Variants in IER5 observed in about 807,000 individuals in gnomAD.
IER5 encodes immediate early response gene 5 protein.
Under a neutral mutation model 8.2 loss-of-function variants are expected in IER5, and 3 were observed. The ratio of observed to expected loss-of-function variants is 0.36; its 90% CI spans 0.17 to 0.94. The LOEUF is 0.94. IER5 is among the 40% of genes least tolerant of loss of function. The pLI is 0.43. For missense variants in IER5, 531 were observed against 494.3 expected (o/e 1.07, Z -0.70); for synonymous variants, 286 against 230.1 (o/e 1.24, Z -2.20).
chr1:181,091,577 C>T lies in IER5; in HGVS notation c.*1691C>T, dbSNP rs558256317. ...GACACTTAGGTGATGATAGCCAAAACATCCATCGATTTTACTAAAATCACT... is the reference window on the plus strand; with the variant it reads ...GACACTTAGGTGATGATAGCCAAAATATCCATCGATTTTACTAAAATCACT... On this transcript the variant is annotated 3_prime_UTR_variant, in exon 1 of 1. Coordinates refer to ENST00000367577, the MANE Select transcript of IER5 (RefSeq NM_016545.5). 1.3e-5 allele frequency: 2 copies of T among 152,360 alleles called. No homozygotes were observed. Among genetic ancestry groups the T allele is most frequent in the East Asian group, 1.9e-4 (1 of 5,192 alleles). The allele number at this position is 152,360 out of a possible 1,614,324, so 9.4% of individuals were successfully genotyped here.
chr1:181,089,056 T>G lies in IER5; in HGVS notation c.154T>G (p.Cys52Gly). The change falls in exon 1 of 1, where the codon TGC becomes GGC. Residue 52 changes from cysteine (C) to glycine (G), a missense_variant. Physicochemically the swap from Cys to Gly is radical, Grantham distance 159. Coordinates refer to ENST00000367577, the MANE Select transcript of IER5 (RefSeq NM_016545.5). Reference protein sequence around the residue: ...SARQVYLSDPCPGLYLAGPAG... With the variant: ...SARQVYLSDPGPGLYLAGPAG... ...CCGCCAAGTCTACCTGAGCGACCCGTGCCCCGGCCTCTACCTGGCCGGTCC... is the reference window on the plus strand; with the variant it reads ...CCGCCAAGTCTACCTGAGCGACCCGGGCCCCGGCCTCTACCTGGCCGGTCC... The G allele has an allele frequency of 2.5e-6, 4 of 1,603,582 alleles. No individual in the cohort carries two copies. The highest frequency in any genetic ancestry group is 3.4e-6 in the Non-Finnish European group (4 of 1,176,080).
Position 181,091,224 on chromosome 1 carries a change from A to G in IER5, c.*1338A>G, listed in dbSNP as rs191582300. 6.6e-6 allele frequency: 1 copy of G among 152,276 alleles called. No homozygotes were observed. The highest frequency in any genetic ancestry group is 1.5e-5 in the Non-Finnish European group (1 of 68,026). 9.4% of individuals were successfully genotyped at this position (152,276 alleles called of 1,614,324 possible). ...GCAAAACTTTGTTTCCTGTTAAGCT[A>G]TTAATACGGGTCATCTTTTAGCTTT... On this transcript the variant is annotated 3_prime_UTR_variant, in exon 1 of 1. Coordinates refer to ENST00000367577, the MANE Select transcript of IER5 (RefSeq NM_016545.5).
rs568417293 is a variant in IER5, at chr1:181,090,786, G to A, written c.*900G>A. ...TTTCTCCTTCGTTGTATTGATTTTT[G>A]TATAAAAATGTAACTTCTACGTGTC... On this transcript the variant is annotated 3_prime_UTR_variant, in exon 1 of 1. Transcript: ENST00000367577. 1.2e-5 allele frequency: 2 copies of A among 164,302 alleles called. No individual in the cohort carries two copies. Among genetic ancestry groups the A allele is most frequent in the African/African-American group, 4.8e-5 (2 of 41,412 alleles). 10.2% of individuals were successfully genotyped at this position (164,302 alleles called of 1,614,324 possible).
At position 181,088,741 on chromosome 1, in the gene IER5, G is replaced by C. The variant is rs1558133737; in HGVS notation, c.-162G>C. On this transcript the variant is annotated 5_prime_UTR_variant, in exon 1 of 1. Transcript: ENST00000367577. ...CGAAACGGGGAAGTTGTCTTGTTTGGAGAGGTTAGTAGAGCAGCGCGCGCG... is the reference window on the plus strand; with the variant it reads ...CGAAACGGGGAAGTTGTCTTGTTTGCAGAGGTTAGTAGAGCAGCGCGCGCG... 1 of 574,664 alleles carries C rather than the reference G, an allele frequency of 1.7e-6. No homozygotes were observed. The highest frequency in any genetic ancestry group is 1.9e-5 in the African/African-American group (1 of 51,340). The allele number at this position is 574,664 out of a possible 1,614,324, so 35.6% of individuals were successfully genotyped here.
rs1659466301 is a variant in IER5 at position 181,091,100 on chromosome 1, G to T, written c.*1214G>T. The T allele has an allele frequency of 1.3e-5, 2 of 152,086 alleles. No individual in the cohort carries two copies. The highest frequency in any genetic ancestry group is 4.8e-5 in the African/African-American group (2 of 41,388). The allele number at this position is 152,086 out of a possible 1,614,324, so 9.4% of individuals were successfully genotyped here. ...CTGCCACTACAACTGCCTTTTCTAA[G>T]GTCAGTTTAGACCAATTTGTCACCC... is the stretch of plus-strand genomic sequence containing the variant. On this transcript the variant is annotated 3_prime_UTR_variant, in exon 1 of 1. Transcript: ENST00000367577.
rs1450567941 is a variant in IER5, at chr1:181,092,442, G to A, written c.*2556G>A. 1.3e-5 allele frequency: 2 copies of A among 151,862 alleles called. No individual in the cohort carries two copies. Among genetic ancestry groups the A allele is most frequent in the Non-Finnish European group, 2.9e-5 (2 of 68,000 alleles). The allele number at this position is 151,862 out of a possible 1,614,324, so 9.4% of individuals were successfully genotyped here. ...CATGGGCCCTGGAGCCAGGCTGCTTGGTGTCTTCCTTTATTTATTTATTTA... is the reference window on the plus strand; with the variant it reads ...CATGGGCCCTGGAGCCAGGCTGCTTAGTGTCTTCCTTTATTTATTTATTTA... On this transcript the variant is annotated 3_prime_UTR_variant, in exon 1 of 1. Coordinates refer to ENST00000367577, the MANE Select transcript of IER5 (RefSeq NM_016545.5).
chr1:181,090,686 T>C lies in IER5; in HGVS notation c.*800T>C, dbSNP rs368929841. The C allele has an allele frequency of 1.1e-4, 19 of 167,142 alleles. No homozygotes were observed. The highest frequency in any genetic ancestry group is 3.8e-4 in the East Asian group (2 of 5,210). 10.4% of individuals were successfully genotyped at this position (167,142 alleles called of 1,614,324 possible). ...AGAAGCCCGAAGTGGAAAGACCTTA[T>C]GGTTTTGTAGATATGGTGACTCCAG... On this transcript the variant is annotated 3_prime_UTR_variant, in exon 1 of 1. Transcript: ENST00000367577.
Position 181,088,745 on chromosome 1 carries a change from G to A in IER5, c.-158G>A. Reference sequence around the variant, plus strand: ...ACGGGGAAGTTGTCTTGTTTGGAGAGGTTAGTAGAGCAGCGCGCGCGTCAC... The same window carrying A: ...ACGGGGAAGTTGTCTTGTTTGGAGAAGTTAGTAGAGCAGCGCGCGCGTCAC... On this transcript the variant is annotated 5_prime_UTR_variant, in exon 1 of 1. Transcript: ENST00000367577. The A allele has an allele frequency of 1.6e-6, 1 of 608,966 alleles. No homozygotes were observed. The highest frequency in any genetic ancestry group is 1.9e-5 in the South Asian group (1 of 54,026). 37.7% of individuals were successfully genotyped at this position (608,966 alleles called of 1,614,324 possible). A position where few individuals can be genotyped will look rare whatever the true frequency, so the allele number is the denominator to read the frequency against.
chr1:181,089,931 C>T lies in IER5; in HGVS notation c.*45C>T. 6.3e-7 allele frequency: 1 copy of T among 1,594,916 alleles called. No individual in the cohort carries two copies. The highest frequency in any genetic ancestry group is 2.3e-4 in the Middle Eastern group (1 of 4,414). ...GGAGGAGGTGGAGCAGCGGGCGTCC[C>T]CGAAGTGAGGGCCAGGCCCTTCCCG... On this transcript the variant is annotated 3_prime_UTR_variant, in exon 1 of 1. Transcript: ENST00000367577.
In IER5 at chr1:181,089,518, G is replaced by T; in HGVS notation, c.616G>T (p.Asp206Tyr). ...ACCCAPQPAE[D>Y]EPPAPPAVCP... ...CTGCTGCGCGCCGCAACCAGCGGAGGACGAGCCCCCCGCGCCGCCCGCGGT... is the reference window on the plus strand; with the variant it reads ...CTGCTGCGCGCCGCAACCAGCGGAGTACGAGCCCCCCGCGCCGCCCGCGGT... The change falls in exon 1 of 1, where the codon GAC (aspartate) becomes TAC (tyrosine). Residue 206 changes from aspartate (D) to tyrosine (Y), a missense_variant. Transcript: ENST00000367577. 7.0e-6 allele frequency: 9 copies of T among 1,294,616 alleles called. No individual in the cohort carries two copies. Among genetic ancestry groups the T allele is most frequent in the Non-Finnish European group, 8.8e-6 (9 of 1,020,066 alleles). The allele number at this position is 1,294,616 out of a possible 1,614,324, so 80.2% of individuals were successfully genotyped here.
chr1:181,089,526 C>A lies in IER5; in HGVS notation c.624C>A (p.Pro208=). 7.8e-7 allele frequency: 1 copy of A among 1,280,100 alleles called. No individual in the cohort carries two copies. The highest frequency in any genetic ancestry group is 9.9e-7 in the Non-Finnish European group (1 of 1,013,220). The allele number at this position is 1,280,100 out of a possible 1,614,324, so 79.3% of individuals were successfully genotyped here. Residue 208 remains proline (P), a synonymous_variant, in exon 1 of 1, where the codon CCC becomes CCA. Coordinates refer to ENST00000367577, the MANE Select transcript of IER5 (RefSeq NM_016545.5). ...CCAPQPAEDE[P]PAPPAVCPRK... is the part of the protein sequence containing the mutation. ...CGCCGCAACCAGCGGAGGACGAGCC[C>A]CCCGCGCCGCCCGCGGTGTGCCCCA... is the stretch of plus-strand genomic sequence containing the variant.
In IER5 at chr1:181,088,748, T is replaced by C. The variant is rs1053550543; in HGVS notation, c.-155T>C. The stretch of plus-strand genomic sequence containing the variant: ...GGGAAGTTGTCTTGTTTGGAGAGGT[T>C]AGTAGAGCAGCGCGCGCGTCACCAG... On this transcript the variant is annotated 5_prime_UTR_variant, in exon 1 of 1. Coordinates refer to ENST00000367577, the MANE Select transcript of IER5 (RefSeq NM_016545.5). 10 of 617,094 alleles carry C rather than the reference T, an allele frequency of 1.6e-5. No homozygotes were observed. Among genetic ancestry groups the C allele is most frequent in the Non-Finnish European group, 2.7e-5 (10 of 369,468 alleles). 38.2% of individuals were successfully genotyped at this position (617,094 alleles called of 1,614,324 possible).
chr1:181,088,928 G>A lies in IER5; in HGVS notation c.26G>A (p.Arg9His). The A allele has an allele frequency of 1.2e-6, 2 of 1,613,512 alleles. No homozygotes were observed. Among genetic ancestry groups the A allele is most frequent in the South Asian group, 1.1e-5 (1 of 91,042 alleles). MEFKLEAH[R>H]IVSISLGKIY... ...ATGGAGTTCAAGCTGGAGGCTCATCGCATCGTCAGCATCTCTCTGGGCAAG... is the reference window on the plus strand; with the variant it reads ...ATGGAGTTCAAGCTGGAGGCTCATCACATCGTCAGCATCTCTCTGGGCAAG... The change falls in exon 1 of 1, where the codon CGC becomes CAC. Residue 9 changes from arginine to histidine, a missense_variant. Transcript: ENST00000367577.
Position 181,089,790 on chromosome 1 carries a change from G to T in IER5, c.888G>T (p.Glu296Asp). The change falls in exon 1 of 1, where the codon GAG (glutamate) becomes GAT (aspartate). Residue 296 changes from glutamate to aspartate, a missense_variant. Transcript: ENST00000367577. The part of the protein sequence containing the change: ...GGGREEEEGE[E>D]SGPEAAEPGQ... Reference sequence around the variant, plus strand: ...GCAGAGAGGAAGAGGAGGGAGAGGAGAGCGGTCCGGAAGCCGCCGAGCCCG... The same window carrying T: ...GCAGAGAGGAAGAGGAGGGAGAGGATAGCGGTCCGGAAGCCGCCGAGCCCG... 1 of 1,613,640 alleles carries T rather than the reference G, an allele frequency of 6.2e-7. No individual in the cohort carries two copies. Among genetic ancestry groups the T allele is most frequent in the Non-Finnish European group, 8.5e-7 (1 of 1,179,890 alleles).
In IER5 at chr1:181,088,850, C is replaced by T. The variant is rs1465896457; in HGVS notation, c.-53C>T. The T allele has an allele frequency of 2.5e-6, 4 of 1,603,616 alleles. No homozygotes were observed. The highest frequency in any genetic ancestry group is 2.7e-5 in the African/African-American group (2 of 74,496). On this transcript the variant is annotated 5_prime_UTR_variant, in exon 1 of 1. Transcript: ENST00000367577. ...ACTTGTTTGCGCCTCCCGTTCCCTC[C>T]CAATTTCCAAACGTGTCACCCCGGC...
rs1659389480 is a variant in IER5, at chr1:181,088,804, G to T, written c.-99G>T. The T allele has an allele frequency of 9.0e-7, 1 of 1,115,848 alleles. No homozygotes were observed. The highest frequency in any genetic ancestry group is 2.8e-5 in the East Asian group (1 of 35,428). 69.1% of individuals were successfully genotyped at this position (1,115,848 alleles called of 1,614,324 possible). A position where few individuals can be genotyped will look rare whatever the true frequency, so the allele number is the denominator to read the frequency against. On this transcript the variant is annotated 5_prime_UTR_variant, in exon 1 of 1. Transcript: ENST00000367577. ...TTTCTCTTCGGAGTCTTAGGTGATC[G>T]AGGGTGTGCCCAGGGGGCGGACTTG...
In IER5 at chr1:181,090,502, CT is replaced by C. The variant is rs1469424692; in HGVS notation, c.*619del. ...CTAGGAAAGGGGCGTATTAACGGTC[CT>C]TTGCTTCCCCGCAGGGGAGAAAAAG... is the stretch of plus-strand genomic sequence containing the variant. On this transcript the variant is annotated 3_prime_UTR_variant, in exon 1 of 1. Transcript: ENST00000367577. 6.0e-6 allele frequency: 1 copy of C among 167,410 alleles called. No individual in the cohort carries two copies. Among genetic ancestry groups the C allele is most frequent in the East Asian group, 1.9e-4 (1 of 5,200 alleles). The allele number at this position is 167,410 out of a possible 1,614,324, so 10.4% of individuals were successfully genotyped here. A position where few individuals can be genotyped will look rare whatever the true frequency, so the allele number is the denominator to read the frequency against.
chr1:181,089,982 G>A lies in IER5; in HGVS notation c.*96G>A. The A allele has an allele frequency of 1.3e-6, 2 of 1,487,076 alleles. No homozygotes were observed. Among genetic ancestry groups the A allele is most frequent in the Non-Finnish European group, 1.8e-6 (2 of 1,106,022 alleles). The allele number at this position is 1,487,076 out of a possible 1,614,324, so 92.1% of individuals were successfully genotyped here. ...GCTGCGAGGACGCCCAGAGACCGCGGGCGCTGAGCGCGTTGGGCAGACTGG... is the reference window on the plus strand; with the variant it reads ...GCTGCGAGGACGCCCAGAGACCGCGAGCGCTGAGCGCGTTGGGCAGACTGG... On this transcript the variant is annotated 3_prime_UTR_variant, in exon 1 of 1. Coordinates refer to ENST00000367577, the MANE Select transcript of IER5 (RefSeq NM_016545.5).
Position 181,090,268 on chromosome 1 carries a change from G to A in IER5, c.*382G>A, listed in dbSNP as rs531409951. On this transcript the variant is annotated 3_prime_UTR_variant, in exon 1 of 1. Coordinates refer to ENST00000367577, the MANE Select transcript of IER5 (RefSeq NM_016545.5). ...AGGAAGCGGCTAAAAGGTTTGGGCC[G>A]GGGAGTTCCCCATTCGTTCTCCGGG... The A allele has an allele frequency of 1.2e-5, 3 of 251,932 alleles. No homozygotes were observed. Among genetic ancestry groups the A allele is most frequent in the Non-Finnish European group, 1.7e-5 (2 of 120,766 alleles). The allele number at this position is 251,932 out of a possible 1,614,324, so 15.6% of individuals were successfully genotyped here. A position where few individuals can be genotyped will look rare whatever the true frequency, so the allele number is the denominator to read the frequency against.
Sources: gnomAD v4.1 joint callset for allele counts on GRCh38, gnomAD v4.1.1 for gene constraint, MANE v1.5 for transcripts, NCBI Gene and HGNC (gene_info 2026-07-23, HGNC 2026-07-21) for gene names.